The following SCAF11 variants were observed in gnomAD, a reference collection of about 807,000 sequenced individuals.
SCAF11 encodes SR-related CTD associated factor 11.
SCAF11 carries 47 observed loss-of-function variants against 140.5 expected under a neutral mutation model. The ratio of observed to expected loss-of-function variants is 0.33; its 90% CI spans 0.26 to 0.43. The LOEUF is 0.43. Among genes scored for constraint, SCAF11 ranks in the 20% least tolerant of loss-of-function variants. SCAF11 has a pLI of 1.00. For missense variants in SCAF11, 1,645 were observed against 1,705.1 expected (o/e 0.96, Z 0.62); for synonymous variants, 557 against 579.4 (o/e 0.96, Z 0.55).
In SCAF11 at chr12:45,928,251, C is replaced by T. The variant is rs535578018; in HGVS notation, c.1450G>A (p.Val484Met). 3.1e-5 allele frequency: 50 copies of T among 1,613,988 alleles called. No individual in the cohort carries two copies. The South Asian group carries it at 5.1e-4, about 16-fold the overall frequency. Residue 484 changes from valine (V) to methionine (M), a missense_variant, in exon 11 of 15, where the codon GTG becomes ATG. By Grantham distance (21) the Val-to-Met change is conservative. Around this residue, in one of 2 missense-constraint regions of SCAF11, gnomAD observed 1,582 missense variants for 1,609.2 expected, o/e 0.98. Coordinates refer to ENST00000369367, the MANE Select transcript of SCAF11 (RefSeq NM_004719.3). ...ACTTCCCCTTCCTCACCAACTAGCA[C>T]AGGAAGATCTTGAGCACAAGACTCA... The part of the protein sequence containing the change: ...SSESCAQDLP[V>M]LVGEEGEVKK...
intron 4 of SCAF11, 37 bp from the exon 5 acceptor site, chr12:45,948,574 C>T (rs905165712): frequency 3.2e-6 from 4 of 1,258,146 alleles, no homozygotes; most frequent in African/African-American, 3.0e-5. Flanking sequence ...AGCAACAATC[C>T]AGCCTTACAA....
chr12:45,973,711 T>C (rs1946168514), intron 1 of SCAF11, among the ~76,000 whole-genome samples: 1 of 152,238 alleles, frequency 6.6e-6, no homozygotes, highest in South Asian at 2.1e-4. Context: ...AATGCTAAAA[T>C]GGAAAAGAAC....
chr12:45,930,544 C>T (rs1945019053), intron 10 of SCAF11, among the ~76,000 whole-genome samples: 1 of 150,256 alleles, frequency 6.7e-6, no homozygotes, highest in Non-Finnish European at 1.5e-5. Flanking sequence ...GCCTCAACCT[C>T]CCAGACATTC....
Position 45,919,369 on chromosome 12 carries a change from A to T in SCAF11, c.*2679T>A, listed in dbSNP as rs1402121809. On this transcript the variant is annotated 3_prime_UTR_variant, in exon 15 of 15. Transcript: ENST00000369367. ...TGTGATAATTACCAAAACAAATTTT[A>T]AAAAGCACAAAACTTTTGGAATGTT... 2 of 152,596 alleles carry T rather than the reference A, an allele frequency of 1.3e-5. No homozygotes were observed. Among genetic ancestry groups the T allele is most frequent in the Non-Finnish European group, 2.9e-5 (2 of 68,048 alleles). The allele number at this position is 152,596 out of a possible 1,614,324, so 9.5% of individuals were successfully genotyped here.
rs746244156 is a variant in SCAF11, at chr12:45,928,026, T to C, written c.1675A>G (p.Lys559Glu). ...DFPTCLTSES[K>E]VYQPVSCPLS... is the part of the protein sequence containing the mutation. ...GGACAAGATACAGGTTGGTACACTT[T>C]GCTTTCAGATGTTAAACATGTAGGA... The change falls in exon 11 of 15, where the codon AAA becomes GAA. Residue 559 changes from lysine (K) to glutamate (E), a missense_variant. Physicochemically the swap from Lys to Glu is moderately conservative, Grantham distance 56. This residue lies in a region of SCAF11 where 1,582 missense variants were observed against 1,609.2 expected (regional missense o/e 0.98). Coordinates refer to ENST00000369367, the MANE Select transcript of SCAF11 (RefSeq NM_004719.3). The C allele has an allele frequency of 2.3e-5, 37 of 1,613,316 alleles. No homozygotes were observed. The highest frequency in any genetic ancestry group is 3.1e-5 in the Non-Finnish European group (37 of 1,180,026).
chr12:45,943,541 G>T (rs1333319512), intron 6 of SCAF11, among the ~76,000 whole-genome samples: 1 of 151,970 alleles, frequency 6.6e-6, no homozygotes, highest in Non-Finnish European at 1.5e-5. Flanking sequence ...ACTTTATCAT[G>T]GGTATGTACA....
At position 45,926,638 on chromosome 12, in the gene SCAF11, G is replaced by A. The variant is rs74660698; in HGVS notation, c.3063C>T (p.Pro1021=). The change falls in exon 11 of 15, where the codon CCC becomes CCT. Residue 1021 remains proline (P), a synonymous_variant. Transcript: ENST00000369367. ...AGTTTATTTTTTCTGTTATCCAATT[G>A]GGACAGTCATTTCTATGTTTGTCAG... is the stretch of plus-strand genomic sequence containing the variant. ...NSADKHRNDC[P]NWITEKINSG... The A allele has an allele frequency of 0.015, 23,796 of 1,613,654 alleles. 330 individuals carry two copies. The highest frequency in any genetic ancestry group is 0.052 in the South Asian group (4,716 of 91,070).
In SCAF11 at chr12:45,961,822, G is replaced by A; in HGVS notation, c.97C>T (p.Leu33=). The part of the protein sequence containing the change: ...ENGDNTISTG[L]LYSEADRCPI... ...CATCTGTCAGCCTCACTGTACAACAGACCAGTGGAAATAGTATTATCTCCG... is the reference window on the plus strand; with the variant it reads ...CATCTGTCAGCCTCACTGTACAACAAACCAGTGGAAATAGTATTATCTCCG... Residue 33 remains leucine, a synonymous_variant, in exon 3 of 15, where the codon CTG becomes TTG. Transcript: ENST00000369367. 6.2e-7 allele frequency: 1 copy of A among 1,609,360 alleles called. No homozygotes were observed. The highest frequency in any genetic ancestry group is 1.7e-5 in the Admixed American group (1 of 59,200).
At chr12:45,954,778 T>A (rs2136589239) in intron 3 of SCAF11, 1 of 137,316 alleles carries the variant, frequency 7.3e-6, no homozygotes, top group Non-Finnish European at 1.5e-5. Flanking sequence ...AGAGACAGGG[T>A]CTCACTATGT....
intron 1 of SCAF11, among the ~76,000 whole-genome samples, chr12:45,973,013 G>GATATATAGATATAGATATATAGATAT (rs1946147733): frequency 4.4e-5 from 6 of 135,154 alleles, no homozygotes; most frequent in African/African-American, 1.1e-4. Flanking sequence ...TATATATATA[G>GATATATAGATATAGATATATAGATAT]ATATATAGAT....
intron 1 of SCAF11, among the ~76,000 whole-genome samples, chr12:45,967,821 C>A (rs1253360251): frequency 6.6e-6 from 1 of 152,194 alleles, no homozygotes; most frequent in African/African-American, 2.4e-5. Flanking sequence ...GATGAAAGTC[C>A]TAAGTCTCAG....
rs566110388 is a variant in SCAF11, at chr12:45,951,051, T to C, written c.297+599A>G. On this transcript the variant is annotated intron_variant, in intron 4 of 14. Coordinates refer to ENST00000369367, the MANE Select transcript of SCAF11 (RefSeq NM_004719.3). ...ACTCAACTCAGACATGTTTTTTTGT[T>C]TTTTCAGGTAAGCAAAAAATTAACA... Among the ~76,000 whole-genome samples the C allele has an allele frequency of 5.9e-5, 9 of 152,288 alleles. No homozygotes were observed. The East Asian group carries it at 1.5e-3, about 26-fold the overall frequency.
At chr12:45,948,296 C>G in intron 5 of SCAF11, 141 bp downstream of exon 5, 1 of 582,402 alleles carries the variant, frequency 1.7e-6, no homozygotes. Context: ...TCAGCTAGTC[C>G]CTCCTTAAAT....
chr12:45,950,803 A>G (rs1250753134), intron 4 of SCAF11, among the ~76,000 whole-genome samples: 1 of 152,182 alleles, frequency 6.6e-6, no homozygotes, highest in Non-Finnish European at 1.5e-5. Context: ...ATAGTTGTAC[A>G]TTGCTTCCAT....
intron 4 of SCAF11, among the ~76,000 whole-genome samples, chr12:45,951,099 C>A (rs143875430): frequency 1.3e-5 from 2 of 152,106 alleles, no homozygotes; most frequent in African/African-American, 4.8e-5. Flanking sequence ...ATAATCATGG[C>A]TCACAACAGT....
At chr12:45,991,935 GC>G (rs1565701278), upstream of SCAF11, 1 of 1,288,298 alleles carries the variant, frequency 7.8e-7, no homozygotes, top group Admixed American at 2.3e-5. Flanking sequence ...CCTGTCGCCT[GC>G]CCCCGTTCTG....
At chr12:45,949,374 A>G (rs1945497659) in intron 4 of SCAF11, among the ~76,000 whole-genome samples, 1 of 152,178 alleles carries the variant, frequency 6.6e-6, no homozygotes, top group South Asian at 2.1e-4. Flanking sequence ...TCTCTCAATA[A>G]TAATTTTAAA....
At position 45,926,619 on chromosome 12, in the gene SCAF11, T is replaced by C. The variant is rs755203713; in HGVS notation, c.3082A>G (p.Ile1028Val). ...NDCPNWITEK[I>V]NSGPDPRTRN... ...GTTCTTGGATCAGGCCCAGAGTTTA[T>C]TTTTTCTGTTATCCAATTGGGACAG... Residue 1028 changes from isoleucine to valine, a missense_variant, in exon 11 of 15, where the codon ATA (isoleucine) becomes GTA (valine). This residue lies in a region of SCAF11 where 1,582 missense variants were observed against 1,609.2 expected (regional missense o/e 0.98). Coordinates refer to ENST00000369367, the MANE Select transcript of SCAF11 (RefSeq NM_004719.3). 6.2e-7 allele frequency: 1 copy of C among 1,614,076 alleles called. No individual in the cohort carries two copies.
At chr12:45,969,055 T>C (rs1279508339) in intron 1 of SCAF11, among the ~76,000 whole-genome samples, 1 of 152,232 alleles carries the variant, frequency 6.6e-6, no homozygotes, top group African/African-American at 2.4e-5. Flanking sequence ...TGTGAGAAAC[T>C]AAATTTTAAA....
Sources: allele counts gnomAD v4.1 joint callset (sites outside exome capture counted in the v4.1 genomes callset), GRCh38; gene constraint gnomAD v4.1.1; regional missense constraint gnomAD v4.1.1; transcripts MANE v1.5; gene names NCBI Gene and HGNC (gene_info 2026-07-23, HGNC 2026-07-21).